Variants in ATXN7L1 observed in about 807,000 individuals in gnomAD.
ATXN7L1 encodes the protein ataxin-7-like protein 1.
ATXN7L1 carries 15 observed loss-of-function variants against 70.8 expected under a neutral mutation model. The observed-to-expected ratio is 0.21, with a 90% CI of 0.14 to 0.33. ATXN7L1 has a LOEUF of 0.33. Ranked by LOEUF, ATXN7L1 falls within the 10% of genes least tolerant of loss-of-function variation. The probability of loss-of-function intolerance (pLI) is 1.00; values close to 1 mark genes in which losing one functional copy is unlikely to be tolerated. For missense variants in ATXN7L1, 975 were observed against 1,097.1 expected (o/e 0.89, Z 1.57); for synonymous variants, 440 against 445.1 (o/e 0.99, Z 0.14).
chr7:105,700,856 A>AT (rs1386547636), intron 3 of ATXN7L1, among the ~76,000 whole-genome samples: 1 of 151,944 alleles, frequency 6.6e-6, no homozygotes, highest in African/African-American at 2.4e-5. Flanking sequence ...TAATTTTTGC[A>AT]TTTTTTGTAG....
At chr7:105,807,592 C>A (rs547621166) in intron 2 of ATXN7L1, among the ~76,000 whole-genome samples, 2 of 152,344 alleles carry the variant, frequency 1.3e-5, no homozygotes, top group African/African-American at 4.8e-5. Flanking sequence ...CTTTGGCCAA[C>A]AGACCATTAG....
rs144737358 is a variant in ATXN7L1 at position 105,825,288 on chromosome 7, C to T, written c.251-36580G>A. 2.9e-4 allele frequency among the ~76,000 whole-genome samples: 44 copies of T among 152,142 alleles called. No individual in the cohort carries two copies. In the East Asian group the frequency reaches 6.9e-3, roughly 24 times the overall value. ...AAAAGAGGGAGTAAATTGAGCAGGA[C>T]GAAGACAGGCTTCCAGTCAGTGGAC... is the stretch of plus-strand genomic sequence containing the variant. On this transcript the variant is annotated intron_variant, in intron 2 of 11. Coordinates refer to ENST00000419735, the MANE Select transcript of ATXN7L1 (RefSeq NM_020725.2).
chr7:105,842,875 T>C (rs943610125), intron 2 of ATXN7L1, among the ~76,000 whole-genome samples: 4 of 152,202 alleles, frequency 2.6e-5, no homozygotes, highest in African/African-American at 9.7e-5. Context: ...CTTTCTATTT[T>C]AAAATATATA....
chr7:105,727,291 G>A lies in ATXN7L1; in HGVS notation c.355+61313C>T, dbSNP rs532804057. Among the ~76,000 whole-genome samples, 5 of 152,230 alleles carry A rather than the reference G, an allele frequency of 3.3e-5. 1 individual carries two copies. The highest frequency in any genetic ancestry group is 9.6e-5 in the African/African-American group (4 of 41,542). ...TATTACTCACGAAGCAGACAGTCAC[G>A]CACAGGCTTGAAAGATACCTAAGTT... is the stretch of plus-strand genomic sequence containing the variant. On this transcript the variant is annotated intron_variant, in intron 3 of 11. Coordinates refer to ENST00000419735, the MANE Select transcript of ATXN7L1 (RefSeq NM_020725.2).
intron 3 of ATXN7L1, among the ~76,000 whole-genome samples, chr7:105,744,516 C>T (rs1798360103): frequency 6.6e-6 from 1 of 152,084 alleles, no homozygotes; most frequent in Admixed American, 6.6e-5. Flanking sequence ...GTCCTGATCT[C>T]CCTCTGGGCT....
chr7:105,757,229 T>C (rs1278115222), intron 3 of ATXN7L1, among the ~76,000 whole-genome samples: 1 of 115,598 alleles, frequency 8.7e-6, no homozygotes, highest in East Asian at 6.6e-4. Context: ...TTGTGAGGCC[T>C]CCTCTCTGCT....
chr7:105,634,983 C>T (rs949428196), intron 7 of ATXN7L1, among the ~76,000 whole-genome samples: 15 of 152,076 alleles, frequency 9.9e-5, no homozygotes, highest in African/African-American at 1.2e-4. Context: ...ACATACAGAA[C>T]GGAACAGAAG....
At chr7:105,737,770 A>C (rs1797562958) in intron 3 of ATXN7L1, among the ~76,000 whole-genome samples, 1 of 152,242 alleles carries the variant, frequency 6.6e-6, no homozygotes, top group Admixed American at 6.5e-5. Context: ...GGAAGGAGTA[A>C]CAACAGCGTG....
chr7:105,871,831 A>C (rs910653368), intron 2 of ATXN7L1, among the ~76,000 whole-genome samples: 2 of 152,226 alleles, frequency 1.3e-5, no homozygotes, highest in Admixed American at 1.3e-4. Flanking sequence ...TTAACATTTC[A>C]TACTTTATAG....
At chr7:105,727,198 A>C (rs989524093) in intron 3 of ATXN7L1, among the ~76,000 whole-genome samples, 2 of 152,180 alleles carry the variant, frequency 1.3e-5, no homozygotes, top group East Asian at 1.9e-4. Context: ...TATGCACAAG[A>C]GTGTTCACTA....
At chr7:105,617,066 C>T (rs1028458685) in intron 9 of ATXN7L1, among the ~76,000 whole-genome samples, 4 of 151,594 alleles carry the variant, frequency 2.6e-5, no homozygotes, top group African/African-American at 9.7e-5. Context: ...TTGCTCTGTT[C>T]CCCAGGCTGG....
chr7:105,700,318 C>T (rs1426505255), intron 3 of ATXN7L1, among the ~76,000 whole-genome samples: 2 of 151,846 alleles, frequency 1.3e-5, no homozygotes, highest in Non-Finnish European at 2.9e-5. Context: ...CCAGCCTGGC[C>T]GACATGGTGA....
chr7:105,703,293 G>T (rs551999132), intron 3 of ATXN7L1, among the ~76,000 whole-genome samples: 1 of 123,086 alleles, frequency 8.1e-6, no homozygotes, highest in African/African-American at 3.7e-5. Flanking sequence ...CAAGAAGAGC[G>T]AAACTCCGTC....
chr7:105,780,787 A>T (rs936838074), intron 3 of ATXN7L1, among the ~76,000 whole-genome samples: 10 of 152,210 alleles, frequency 6.6e-5, no homozygotes, highest in African/African-American at 2.4e-4. Context: ...TACACTTTGC[A>T]TGTATGTGTG....
chr7:105,723,097 G>A (rs376323317), intron 3 of ATXN7L1, among the ~76,000 whole-genome samples: 5 of 152,190 alleles, frequency 3.3e-5, no homozygotes, highest in East Asian at 3.9e-4. Flanking sequence ...TCTGGGTCTC[G>A]ATGCCCTCAC....
At chr7:105,827,083 C>T (rs4727629) in intron 2 of ATXN7L1, among the ~76,000 whole-genome samples, 48,548 of 151,868 alleles carry the variant, frequency 0.32, 8,549 homozygotes, top group East Asian at 0.72. Flanking sequence ...GTATGCAGAA[C>T]GGAAGGCGAG....
intron 2 of ATXN7L1, among the ~76,000 whole-genome samples, chr7:105,805,973 G>A (rs1807527288): frequency 6.6e-6 from 1 of 152,170 alleles, no homozygotes; most frequent in Admixed American, 6.5e-5. Flanking sequence ...AAGCAATGCT[G>A]AGCTTGCTGG....
At chr7:105,618,902 T>A (rs937531567) in intron 9 of ATXN7L1, among the ~76,000 whole-genome samples, 6 of 152,098 alleles carry the variant, frequency 3.9e-5, no homozygotes, top group Non-Finnish European at 5.9e-5. Flanking sequence ...GTAAGTACAC[T>A]GGGAAGTGGA....
intron 2 of ATXN7L1, among the ~76,000 whole-genome samples, chr7:105,814,999 G>A (rs1266946351): frequency 6.6e-6 from 1 of 152,190 alleles, no homozygotes; most frequent in Non-Finnish European, 1.5e-5. Flanking sequence ...AAGACAGGAT[G>A]GGGGGCAGTG....
Sources: allele counts gnomAD v4.1 joint callset (sites outside exome capture counted in the v4.1 genomes callset), GRCh38; gene constraint gnomAD v4.1.1; transcripts MANE v1.5; gene names NCBI Gene and HGNC (gene_info 2026-07-23, HGNC 2026-07-21).